LHFPL2: variants seen among roughly 807,000 people sequenced by gnomAD.
LHFPL2 encodes LHFPL tetraspan subfamily member 2 protein.
Under a neutral mutation model 17.5 loss-of-function variants are expected in LHFPL2, and 7 were observed. The ratio of observed to expected loss-of-function variants is 0.40; its 90% CI spans 0.23 to 0.75. The LOEUF (loss-of-function observed/expected upper bound fraction) is 0.75. LHFPL2 is among the 30% of genes least tolerant of loss of function. The pLI is 0.37. For synonymous variants in LHFPL2, 134 were observed against 116.2 expected (o/e 1.15, Z -0.99); for missense variants, 241 against 294.8 (o/e 0.82, Z 1.34).
intron 2 of LHFPL2, among the ~76,000 whole-genome samples, chr5:78,599,491 A>G (rs1743939172): frequency 7.1e-6 from 1 of 141,268 alleles, no homozygotes; most frequent in African/African-American, 2.7e-5. Context: ...TTTTTTTTTT[A>G]GTAGAGACAG....
At chr5:78,599,167 C>G (rs1743922094) in intron 2 of LHFPL2, among the ~76,000 whole-genome samples, 2 of 152,164 alleles carry the variant, frequency 1.3e-5, no homozygotes, top group Non-Finnish European at 2.9e-5. Context: ...CATTCCCCTA[C>G]CCTCCCAAGT....
At chr5:78,601,647 C>T (rs530578878) in intron 2 of LHFPL2, among the ~76,000 whole-genome samples, 2 of 152,176 alleles carry the variant, frequency 1.3e-5, no homozygotes, top group African/African-American at 2.4e-5. Flanking sequence ...CAGCTTCTCA[C>T]GCACTGTCTC....
chr5:78,580,611 C>A (rs1044417706), intron 2 of LHFPL2, among the ~76,000 whole-genome samples: 19 of 127,332 alleles, frequency 1.5e-4, no homozygotes, highest in Non-Finnish European at 3.4e-4. Flanking sequence ...GAATCCTTTC[C>A]CCATTGCTTG....
At chr5:78,535,015 G>A (rs1755903168) in intron 3 of LHFPL2, among the ~76,000 whole-genome samples, 1 of 152,226 alleles carries the variant, frequency 6.6e-6, no homozygotes, top group Admixed American at 6.5e-5. Flanking sequence ...AGCTGAACAA[G>A]TTTGTTGGAA....
intron 4 of LHFPL2, among the ~76,000 whole-genome samples, chr5:78,493,079 A>C (rs1754500380): frequency 6.6e-6 from 1 of 152,256 alleles, no homozygotes; most frequent in South Asian, 2.1e-4. Flanking sequence ...CTGGGCCTTC[A>C]GGTAAGCAAA....
intron 2 of LHFPL2, among the ~76,000 whole-genome samples, chr5:78,572,924 C>G (rs966965582): frequency 2.0e-5 from 3 of 152,112 alleles, no homozygotes; most frequent in African/African-American, 7.2e-5. Context: ...ACTTAGATTC[C>G]TCGCACGCAC....
chr5:78,607,506 A>G (rs1340834393), intron 2 of LHFPL2, among the ~76,000 whole-genome samples: 1 of 152,228 alleles, frequency 6.6e-6, no homozygotes, highest in Non-Finnish European at 1.5e-5. Flanking sequence ...TTACAAACAA[A>G]ATTTGCCATA....
rs1754315183 is a variant in LHFPL2 at position 78,488,186 on chromosome 5, T to TTCA, written c.*708_*710dup. ...TGCTGGGAAGAAGAAAAAATACGTC[T>TTCA]TCACTAGCAAGATTTCATATTTTTG... On this transcript the variant is annotated 3_prime_UTR_variant, in exon 5 of 5. Coordinates refer to ENST00000380345, the MANE Select transcript of LHFPL2 (RefSeq NM_005779.3). 6.6e-6 allele frequency: 1 copy of TTCA among 152,290 alleles called. No homozygotes were observed. 9.4% of individuals were successfully genotyped at this position (152,290 alleles called of 1,614,324 possible).
intron 3 of LHFPL2, among the ~76,000 whole-genome samples, chr5:78,562,803 G>A (rs545987401): frequency 5.3e-5 from 8 of 152,246 alleles, no homozygotes; most frequent in Non-Finnish European, 1.5e-5. Flanking sequence ...GGTTTTATTA[G>A]GTTAAGTATT....
At chr5:78,521,226 G>A (rs900584885) in intron 3 of LHFPL2, among the ~76,000 whole-genome samples, 10 of 152,092 alleles carry the variant, frequency 6.6e-5, no homozygotes, top group African/African-American at 2.4e-4. Flanking sequence ...TAAAATTAAC[G>A]TGTGCTATTT....
intron 2 of LHFPL2, among the ~76,000 whole-genome samples, chr5:78,620,969 CTT>C (rs34853039): frequency 7.1e-4 from 101 of 141,594 alleles, no homozygotes; most frequent in Non-Finnish European, 8.5e-4. Context: ...TCTCAAACTC[CTT>C]TTTTTTTTTT....
chr5:78,548,943 T>C (rs1756362874), intron 3 of LHFPL2: 1 of 152,234 alleles, frequency 6.6e-6, no homozygotes, highest in African/African-American at 2.4e-5. Flanking sequence ...AGCATTTCTA[T>C]TGGGTGATAC....
chr5:78,490,781 G>A (rs1030635457), intron 4 of LHFPL2, among the ~76,000 whole-genome samples: 5 of 145,824 alleles, frequency 3.4e-5, no homozygotes, highest in Non-Finnish European at 3.0e-5. Context: ...TACTGCAAGA[G>A]GAGGAGGAGG....
intron 3 of LHFPL2, among the ~76,000 whole-genome samples, chr5:78,511,885 C>T (rs116354850): frequency 0.013 from 1,928 of 152,250 alleles, 34 homozygotes; most frequent in African/African-American, 0.044. Context: ...TGTGTCACAG[C>T]GCTGTGCCAA....
chr5:78,533,647 A>G (rs142167605), intron 3 of LHFPL2, among the ~76,000 whole-genome samples: 1 of 152,184 alleles, frequency 6.6e-6, no homozygotes, highest in African/African-American at 2.4e-5. Context: ...AGCAAGCATC[A>G]TTTACATTTC....
At chr5:78,523,191 C>T (rs1755512388) in intron 3 of LHFPL2, among the ~76,000 whole-genome samples, 1 of 151,928 alleles carries the variant, frequency 6.6e-6, no homozygotes, top group Admixed American at 6.6e-5. Flanking sequence ...TTAACCCAGG[C>T]ATATCTGCTA....
chr5:78,608,846 A>G (rs1299130795), intron 2 of LHFPL2, among the ~76,000 whole-genome samples: 2 of 151,660 alleles, frequency 1.3e-5, no homozygotes, highest in African/African-American at 2.4e-5. Context: ...GCAGGAGAAT[A>G]GCATGAACCC....
intron 3 of LHFPL2, among the ~76,000 whole-genome samples, chr5:78,544,370 T>C (rs997374365): frequency 2.0e-5 from 3 of 152,210 alleles, no homozygotes; most frequent in African/African-American, 7.2e-5. Flanking sequence ...TCTTTGGTTT[T>C]GCATCATTAC....
intron 2 of LHFPL2, among the ~76,000 whole-genome samples, chr5:78,605,362 A>G (rs954050804): frequency 1.3e-5 from 2 of 152,180 alleles, no homozygotes; most frequent in Admixed American, 6.5e-5. Context: ...CTGGACTCTG[A>G]GCAGGGTGAC....
Sources: gnomAD v4.1 joint callset for allele counts (sites outside exome capture counted in the v4.1 genomes callset) on GRCh38, gnomAD v4.1.1 for gene constraint, MANE v1.5 for transcripts, NCBI Gene and HGNC (gene_info 2026-07-23, HGNC 2026-07-21) for gene names.